Variants in NUP210L observed in about 807,000 individuals in gnomAD.
The protein encoded by NUP210L is nucleoporin 210 like.
Under a neutral mutation model 208.5 loss-of-function variants are expected in NUP210L, and 74 were observed. The ratio of observed to expected loss-of-function variants is 0.35; its 90% confidence interval spans 0.29 to 0.43. NUP210L has a LOEUF of 0.43. NUP210L is among the 20% of genes least tolerant of loss of function. The pLI, the probability that NUP210L is intolerant of heterozygous loss-of-function variation, is 1.00. For missense variants in NUP210L, 1,843 were observed against 2,289.4 expected, an observed-to-expected ratio of 0.81 and a Z score of 3.98; for synonymous variants, 780 against 816.9, an observed-to-expected ratio of 0.95 and a Z score of 0.77.
At chr1:153,994,724 G>T (rs1649721462) in intron 38 of NUP210L, among the ~76,000 whole-genome samples, 1 of 151,744 alleles carries the variant, frequency 6.6e-6, no homozygotes, top group African/African-American at 2.4e-5. Context: ...GTGAAATAAG[G>T]CAGTTTCATC....
At chr1:154,103,405 G>T (rs983453039) in intron 13 of NUP210L, among the ~76,000 whole-genome samples, 20 of 144,534 alleles carry the variant, frequency 1.4e-4, no homozygotes, top group African/African-American at 5.2e-4. Context: ...GGGCGCGGTG[G>T]CTCACGCCTG....
Position 154,024,922 on chromosome 1 carries a change from G to GTTT in NUP210L, c.4122+617_4122+619dup, listed in dbSNP as rs71096508. Among the ~76,000 whole-genome samples, 740 of 83,620 alleles carry GTTT rather than the reference G, an allele frequency of 8.8e-3. 19 individuals carry two copies. The highest frequency in any genetic ancestry group is 0.012 in the Non-Finnish European group (560 of 47,356). The allele number at this position is 83,620 out of a possible 152,430, so 54.9% of individuals were successfully genotyped here. On this transcript the variant is annotated intron_variant, in intron 30 of 39. Coordinates refer to ENST00000368559, the Ensembl canonical transcript of NUP210L. ...CAATCATATAAATTTAGGCTGATCT[G>GTTT]TTTTTTTTTTTTTTTTTTTTTTTTT...
exon 1 of NUP210L, chr1:154,154,910 C>T: frequency 6.2e-7 from 1 of 1,614,238 alleles, no homozygotes; most frequent in Non-Finnish European, 8.5e-7. Flanking sequence ...CGAAGGGTAG[C>T]AACACCTGTG....
At chr1:154,082,100 C>T (rs1192642870) in intron 16 of NUP210L, among the ~76,000 whole-genome samples, 1 of 152,194 alleles carries the variant, frequency 6.6e-6, no homozygotes, top group Non-Finnish European at 1.5e-5. Context: ...GGCATGGACG[C>T]TGCGTGTCTG....
intron 33 of NUP210L, among the ~76,000 whole-genome samples, chr1:154,013,900 G>A (rs1455934479): frequency 6.6e-6 from 1 of 152,034 alleles, no homozygotes; most frequent in African/African-American, 2.4e-5. Flanking sequence ...AAGTAGTTGG[G>A]ATTACAGGCA....
chr1:154,149,552 T>TA (rs1031343754), intron 2 of NUP210L, among the ~76,000 whole-genome samples: 1 of 151,550 alleles, frequency 6.6e-6, no homozygotes, highest in Non-Finnish European at 1.5e-5. Flanking sequence ...TTACAAAAAA[T>TA]AAAAAAACTA....
chr1:154,044,652 C>T (rs12071576), intron 27 of NUP210L, among the ~76,000 whole-genome samples: 27 of 152,090 alleles, frequency 1.8e-4, no homozygotes, highest in African/African-American at 6.0e-4. Flanking sequence ...GAAATATCCT[C>T]GTAATTCTAG....
chr1:154,148,658 A>C (rs977298251), intron 2 of NUP210L, among the ~76,000 whole-genome samples: 2 of 152,222 alleles, frequency 1.3e-5, no homozygotes, highest in Non-Finnish European at 2.9e-5. Flanking sequence ...CTCTTTTGTA[A>C]ATCTAAAATC....
chr1:154,127,151 G>T, intron 9 of NUP210L, among the ~76,000 whole-genome samples, 160 bp downstream of exon 9: 1 of 150,188 alleles, frequency 6.7e-6, no homozygotes, highest in African/African-American at 2.4e-5. Context: ...AAGAAGAAGA[G>T]AATTAATGAT....
rs111324293 is a variant in NUP210L at position 154,091,071 on chromosome 1, G to GTTATTATTATTA, written c.2188-1489_2188-1478dup. On this transcript the variant is annotated intron_variant, in intron 15 of 39. Coordinates refer to ENST00000368559, the Ensembl canonical transcript of NUP210L. Reference sequence around the variant, plus strand: ...TGACAGCATTATTATTATTATTGCTGTTATTATTATTATTATTATTATTAT... The same window carrying GTTATTATTATTA: ...TGACAGCATTATTATTATTATTGCTGTTATTATTATTATTATTATTATTATTATTATTATTAT... 6.3e-3 allele frequency among the ~76,000 whole-genome samples: 887 copies of GTTATTATTATTA among 140,804 alleles called. 9 individuals are homozygous for GTTATTATTATTA. Among genetic ancestry groups the GTTATTATTATTA allele is most frequent in the African/African-American group, 0.017 (657 of 38,314 alleles). 92.4% of individuals were successfully genotyped at this position (140,804 alleles called of 152,430 possible).
rs746532795 is a variant in NUP210L at position 154,135,975 on chromosome 1, G to A, written c.851-3C>T. The stretch of plus-strand genomic sequence containing the variant: ...ATGTTCCAGGGGAAATTTCACCTCT[G>A]TAAGACATGAAAGATACATAAATGT... On this transcript the variant is annotated splice_polypyrimidine_tract_variant and splice_region_variant and intron_variant, in intron 6 of 39. Coordinates refer to ENST00000368559, the Ensembl canonical transcript of NUP210L. The A allele has an allele frequency of 3.8e-6, 6 of 1,590,542 alleles. No homozygotes were observed. In the South Asian group the frequency reaches 6.6e-5, roughly 18 times the overall value.
rs1168300470 is a variant in NUP210L, at chr1:154,139,811, T to G, written c.708A>C (p.Pro236=). Reference sequence around the variant, plus strand: ...CACACAAACTTTTTACCTTATAGAATGGTTCATGAATTCGAACTTTTACAA... The same window carrying G: ...CACACAAACTTTTTACCTTATAGAAGGGTTCATGAATTCGAACTTTTACAA... Residue 236 remains proline (P), a synonymous_variant, in exon 5 of 40, where the codon CCA becomes CCC. Coordinates refer to ENST00000368559, the Ensembl canonical transcript of NUP210L. 2.5e-6 allele frequency: 4 copies of G among 1,612,590 alleles called. No homozygotes were observed. In the South Asian group the frequency reaches 4.4e-5, roughly 18 times the overall value.
intron 25 of NUP210L, among the ~76,000 whole-genome samples, chr1:154,053,873 T>C (rs575419997): frequency 3.8e-4 from 58 of 152,322 alleles, no homozygotes; most frequent in African/African-American, 1.3e-3. Flanking sequence ...CCTCTAGTGC[T>C]GCTGGGTTAG....
At position 154,058,233 on chromosome 1, in the gene NUP210L, A is replaced by G. The variant is rs1358272361; in HGVS notation, c.2980-17T>C. 1.2e-6 allele frequency: 2 copies of G among 1,612,820 alleles called. No homozygotes were observed. ...TATTTCAACCTAGTAGTTAAAAAGAAAAAGATTTTAGCAAAGGTGTCTCAT... is the reference window on the plus strand; with the variant it reads ...TATTTCAACCTAGTAGTTAAAAAGAGAAAGATTTTAGCAAAGGTGTCTCAT... On this transcript the variant is annotated splice_polypyrimidine_tract_variant and intron_variant, in intron 21 of 39. Coordinates refer to ENST00000368559, the Ensembl canonical transcript of NUP210L.
At chr1:154,042,089 CCTCT>C (rs375101605) in intron 27 of NUP210L, among the ~76,000 whole-genome samples, 10 of 151,122 alleles carry the variant, frequency 6.6e-5, no homozygotes, top group East Asian at 5.8e-4. Context: ...AAGGCCTTTC[CCTCT>C]CTCTCTCTCT....
chr1:154,064,519 G>T (rs1571229012), intron 17 of NUP210L, among the ~76,000 whole-genome samples: 1 of 152,202 alleles, frequency 6.6e-6, no homozygotes, highest in East Asian at 1.9e-4. Context: ...TCTCAGGGTA[G>T]CCTTCCCTGT....
At chr1:154,075,052 T>C (rs1479193141) in intron 16 of NUP210L, among the ~76,000 whole-genome samples, 1 of 152,192 alleles carries the variant, frequency 6.6e-6, no homozygotes, top group Non-Finnish European at 1.5e-5. Context: ...TGAGCACTTC[T>C]TTGCTTTCTA....
intron 7 of NUP210L, among the ~76,000 whole-genome samples, chr1:154,131,373 CAATT>C (rs1228920384): frequency 6.6e-6 from 1 of 151,700 alleles, no homozygotes; most frequent in African/African-American, 2.4e-5. Context: ...ATCTCTAAAA[CAATT>C]CATTCTTCTG....
intron 33 of NUP210L, among the ~76,000 whole-genome samples, chr1:154,013,006 C>CAAAAAA (rs149011212): frequency 5.5e-5 from 4 of 72,610 alleles, no homozygotes; most frequent in African/African-American, 5.6e-5. Context: ...AACTCTGAAT[C>CAAAAAA]AAAAAAAAAA....
Sources: allele counts gnomAD v4.1 joint callset (sites outside exome capture counted in the v4.1 genomes callset), GRCh38; gene constraint gnomAD v4.1.1; transcripts MANE v1.5; gene names NCBI Gene and HGNC (gene_info 2026-07-23, HGNC 2026-07-21).